The following LRRTM4 variants were observed in gnomAD, a reference collection of about 807,000 sequenced individuals.
The protein encoded by LRRTM4 is leucine rich repeat transmembrane neuronal 4, also known as leucine-rich repeat transmembrane neuronal protein 4.
LRRTM4 carries 25 observed loss-of-function variants against 47.6 expected under a neutral mutation model. The ratio of observed to expected loss-of-function variants is 0.53; its 90% CI spans 0.38 to 0.73. LRRTM4 has a LOEUF of 0.73. Among genes scored for constraint, LRRTM4 ranks in the 30% least tolerant of loss-of-function variants. LRRTM4 has a pLI of 0.00. For synonymous variants in LRRTM4, 311 were observed against 269.5 expected (o/e 1.15, Z -1.51); for missense variants, 638 against 713.4 (o/e 0.89, Z 1.20).
intron 3 of LRRTM4, among the ~76,000 whole-genome samples, chr2:76,943,102 C>G (rs1230951834): frequency 6.6e-6 from 1 of 152,126 alleles, no homozygotes; most frequent in Non-Finnish European, 1.5e-5. Flanking sequence ...GTTTTTAGCC[C>G]TGCCTTCACA....
intron 3 of LRRTM4, among the ~76,000 whole-genome samples, chr2:76,795,718 T>TCGTTTC (rs1017169205): frequency 1.3e-5 from 2 of 152,124 alleles, no homozygotes; most frequent in African/African-American, 4.8e-5. Context: ...CATACTGATG[T>TCGTTTC]CGTTTCCTTT....
chr2:76,806,041 G>C (rs1398746225), intron 3 of LRRTM4, among the ~76,000 whole-genome samples: 1 of 152,070 alleles, frequency 6.6e-6, no homozygotes, highest in Non-Finnish European at 1.5e-5. Context: ...GCCTATTACA[G>C]CTACAATCAA....
intron 3 of LRRTM4, among the ~76,000 whole-genome samples, chr2:76,935,898 G>A (rs551368022): frequency 6.6e-6 from 1 of 152,162 alleles, no homozygotes; most frequent in Non-Finnish European, 1.5e-5. Flanking sequence ...AGTGGTGAGA[G>A]AGGGCATTCT....
At chr2:77,098,992 A>G (rs953657166) in intron 3 of LRRTM4, among the ~76,000 whole-genome samples, 2 of 151,992 alleles carry the variant, frequency 1.3e-5, no homozygotes, top group African/African-American at 4.8e-5. Context: ...AATGGGGAGT[A>G]AGTGGAACCA....
intron 3 of LRRTM4, among the ~76,000 whole-genome samples, chr2:76,786,474 CAG>C (rs1674678662): frequency 1.3e-5 from 2 of 151,898 alleles, no homozygotes; most frequent in South Asian, 4.2e-4. Flanking sequence ...TCTAAAAAAA[CAG>C]TAGTTATAAT....
intron 3 of LRRTM4, among the ~76,000 whole-genome samples, chr2:76,802,974 G>A (rs1235341345): frequency 6.6e-6 from 1 of 152,110 alleles, no homozygotes; most frequent in Admixed American, 6.6e-5. Context: ...AAACTTAAAT[G>A]TAGGACCTGA....
At chr2:77,431,402 A>C (rs1265002666) in intron 3 of LRRTM4, among the ~76,000 whole-genome samples, 1 of 148,486 alleles carries the variant, frequency 6.7e-6, no homozygotes, top group Non-Finnish European at 1.5e-5. Flanking sequence ...ATCCCACAAA[A>C]CTCAACTTCT....
In LRRTM4 at chr2:76,925,332, G is replaced by C. The variant is rs572394132; in HGVS notation, c.1552-176416C>G. On this transcript the variant is annotated intron_variant, in intron 3 of 3. Transcript: ENST00000409884. ...CTCAATCCTTCAACCTTCAAAGTCT[G>C]TTCTGGCAACAACCTGAATGAGCCT... Among the ~76,000 whole-genome samples, 5 of 152,224 alleles carry C rather than the reference G, an allele frequency of 3.3e-5. 1 individual carries two copies. The highest frequency in any genetic ancestry group is 1.2e-4 in the African/African-American group (5 of 41,554).
chr2:77,182,433 G>C (rs907206389), intron 3 of LRRTM4, among the ~76,000 whole-genome samples: 6 of 152,022 alleles, frequency 3.9e-5, no homozygotes, highest in African/African-American at 1.4e-4. Flanking sequence ...GGAAGTTGGG[G>C]GTGAGGGGAG....
chr2:77,262,289 A>C (rs1675937415), intron 3 of LRRTM4, among the ~76,000 whole-genome samples: 1 of 151,994 alleles, frequency 6.6e-6, no homozygotes, highest in Non-Finnish European at 1.5e-5. Flanking sequence ...AGCATCCCAA[A>C]ACCATTCCCC....
chr2:77,014,895 CAA>C (rs1327261789), intron 3 of LRRTM4, among the ~76,000 whole-genome samples: 83 of 151,996 alleles, frequency 5.5e-4, no homozygotes, highest in Non-Finnish European at 2.8e-4. Flanking sequence ...TCATTTTTTT[CAA>C]AGAGATTTTT....
At chr2:77,455,463 T>C (rs1275195542) in intron 3 of LRRTM4, among the ~76,000 whole-genome samples, 2 of 152,096 alleles carry the variant, frequency 1.3e-5, no homozygotes, top group Admixed American at 1.3e-4. Context: ...CCAAATGACA[T>C]GGTTTTCCTT....
chr2:77,231,975 T>C (rs1214071389), intron 3 of LRRTM4, among the ~76,000 whole-genome samples: 1 of 152,248 alleles, frequency 6.6e-6, no homozygotes, highest in African/African-American at 2.4e-5. Context: ...CCTTTTGCTT[T>C]TCTTCAAATT....
At chr2:77,467,913 CT>C (rs560860441) in intron 3 of LRRTM4, among the ~76,000 whole-genome samples, 80 of 152,152 alleles carry the variant, frequency 5.3e-4, no homozygotes, top group Admixed American at 1.0e-3. Context: ...ATTGATTTGT[CT>C]TTTTTCCCCT....
chr2:77,484,525 T>C (rs1390718823), intron 3 of LRRTM4, among the ~76,000 whole-genome samples: 4 of 152,228 alleles, frequency 2.6e-5, no homozygotes, highest in African/African-American at 9.6e-5. Context: ...TTCTGTTTTT[T>C]CTTTTTCTAG....
intron 3 of LRRTM4, among the ~76,000 whole-genome samples, chr2:77,143,614 T>A (rs1479851911): frequency 6.6e-6 from 1 of 152,104 alleles, no homozygotes; most frequent in Non-Finnish European, 1.5e-5. Context: ...ACAATAAAAG[T>A]GTGAAAAACT....
chr2:76,922,024 A>G (rs1558739923), intron 3 of LRRTM4, among the ~76,000 whole-genome samples: 1 of 152,140 alleles, frequency 6.6e-6, no homozygotes, highest in Non-Finnish European at 1.5e-5. Context: ...GATTAATTAA[A>G]AAAGAAATGT....
At chr2:76,806,918 G>T (rs1257844628) in intron 3 of LRRTM4, among the ~76,000 whole-genome samples, 1 of 151,948 alleles carries the variant, frequency 6.6e-6, no homozygotes, top group Non-Finnish European at 1.5e-5. Context: ...AAATACCAAT[G>T]ACTTATAAAC....
intron 3 of LRRTM4, among the ~76,000 whole-genome samples, chr2:77,007,809 A>C (rs1323645127): frequency 6.6e-6 from 1 of 152,104 alleles, no homozygotes; most frequent in Non-Finnish European, 1.5e-5. Flanking sequence ...CTCTTTTCCT[A>C]ATTACTCTCC....
Sources: gnomAD v4.1 joint callset for allele counts (sites outside exome capture counted in the v4.1 genomes callset) on GRCh38, gnomAD v4.1.1 for gene constraint, MANE v1.5 for transcripts, NCBI Gene and HGNC (gene_info 2026-07-23, HGNC 2026-07-21) for gene names.